Variants in DIP2A observed in about 807,000 individuals in gnomAD.
The protein encoded by DIP2A is disco-interacting protein 2 homolog A.
A neutral mutation model predicts 177.4 loss-of-function variants in DIP2A; 85 were observed. The observed-to-expected ratio is 0.48, with a 90% CI of 0.40 to 0.57. The LOEUF (loss-of-function observed/expected upper bound fraction) is 0.57. Ranked by LOEUF, DIP2A falls within the 20% of genes least tolerant of loss-of-function variation. DIP2A has a pLI of 0.00. For synonymous variants in DIP2A, 886 were observed against 881.8 expected, an observed-to-expected ratio of 1.00 and a Z score of -0.08; for missense variants, 1,791 against 2,100.2, an observed-to-expected ratio of 0.85 and a Z score of 2.88.
chr21:46,515,705 T>G (rs543967940), intron 8 of DIP2A, among the ~76,000 whole-genome samples: 1 of 151,996 alleles, frequency 6.6e-6, no homozygotes, highest in Non-Finnish European at 1.5e-5. Flanking sequence ...CTTGGCTACT[T>G]TTTTGTATTT....
chr21:46,486,135 C>T (rs1246317388), intron 2 of DIP2A, among the ~76,000 whole-genome samples: 2 of 149,940 alleles, frequency 1.3e-5, no homozygotes, highest in African/African-American at 4.9e-5. Flanking sequence ...CAGTGCTGTC[C>T]AGTAGAACTT....
intron 21 of DIP2A, among the ~76,000 whole-genome samples, chr21:46,547,682 T>TTA (rs1555909424): frequency 1.6e-5 from 2 of 127,882 alleles, no homozygotes; most frequent in Admixed American, 7.6e-5. Flanking sequence ...TTTTTTTTTT[T>TTA]AAAGATAGGG....
rs746667748 is a variant in DIP2A at position 46,554,661 on chromosome 21, G to A, written c.3241G>A (p.Gly1081Ser). 1.1e-5 allele frequency: 17 copies of A among 1,583,304 alleles called. No homozygotes were observed. The highest frequency in any genetic ancestry group is 2.3e-5 in the East Asian group (1 of 43,110). The change falls in exon 27 of 38, where the codon GGC becomes AGC. Residue 1081 changes from glycine (G) to serine (S), a missense_variant. Transcript: ENST00000417564. The stretch of plus-strand genomic sequence containing the variant: ...GCGGCCCCCGCACCCTCAGAACCTC[G>A]GCACCACACTGCCCACCGTCAAGAT... ...TVRPPHPQNL[G>S]TTLPTVKMIV... is the part of the protein sequence containing the mutation.
downstream of DIP2A, among the ~76,000 whole-genome samples, chr21:46,572,898 A>G (rs889985692): frequency 5.3e-5 from 8 of 152,178 alleles, no homozygotes; most frequent in African/African-American, 1.9e-4. Flanking sequence ...GTGCATTACA[A>G]TTGCCTACAG....
chr21:46,509,331 C>T lies in DIP2A; in HGVS notation c.859C>T (p.Pro287Ser). ...CACCCTGAAGAGGCCAAAGCGCCCT[C>T]CACTGAAGGAGTTCTTTGTGGATGA... is the stretch of plus-strand genomic sequence containing the variant. ...LNTLKRPKRP[P>S]LKEFFVDDFE... Residue 287 changes from proline (P) to serine (S), a missense_variant, in exon 7 of 38, where the codon CCA becomes TCA. Coordinates refer to ENST00000417564, the MANE Select transcript of DIP2A (RefSeq NM_015151.4). 1 of 1,613,674 alleles carries T rather than the reference C, an allele frequency of 6.2e-7. No individual in the cohort carries two copies. The highest frequency in any genetic ancestry group is 8.5e-7 in the Non-Finnish European group (1 of 1,179,756).
chr21:46,540,023 A>C, intron 17 of DIP2A, 32 bp downstream of exon 17: 1 of 1,555,820 alleles, frequency 6.4e-7, no homozygotes, highest in Non-Finnish European at 8.9e-7. Flanking sequence ...TCTCATGAGC[A>C]CTTAGTTGAA....
Position 46,550,649 on chromosome 21 carries a change from A to T in DIP2A, c.2744A>T (p.Gln915Leu). The T allele has an allele frequency of 6.2e-7, 1 of 1,613,948 alleles. No homozygotes were observed. Among genetic ancestry groups the T allele is most frequent in the South Asian group, 1.1e-5 (1 of 91,056 alleles). ...LGGIHISETK[Q>L]RFLEGTLHPC... ...GGGATTCACATTTCTGAAACCAAAC[A>T]GCGCTTTCTGGAAGGGACGCTGCAC... The change falls in exon 23 of 38, where the codon CAG (glutamine) becomes CTG (leucine). Residue 915 changes from glutamine (Q) to leucine (L), a missense_variant. Physicochemically the swap from Gln to Leu is moderately radical, Grantham distance 113. Transcript: ENST00000417564.
At chr21:46,580,278 T>C in the DIP2A span, among the ~76,000 whole-genome samples, 1 of 152,212 alleles carries the variant, frequency 6.6e-6, no homozygotes, top group Non-Finnish European at 1.5e-5. Flanking sequence ...CCTTGTTTTT[T>C]TCTGTTTTCC....
rs1162175212 is a variant in DIP2A at position 46,511,581 on chromosome 21, A to T, written c.1069A>T (p.Thr357Ser). Residue 357 changes from threonine to serine, a missense_variant, in exon 8 of 38, where the codon ACA becomes TCA. Physicochemically the swap from Thr to Ser is moderately conservative, Grantham distance 58. Transcript: ENST00000417564. Reference sequence around the variant, plus strand: ...ATCCCCCTGTCTGACTGCCTTGGATACAACTGGGAAAGCCGTCTACACTCT... The same window carrying T: ...ATCCCCCTGTCTGACTGCCTTGGATTCAACTGGGAAAGCCGTCTACACTCT... ...PKSPCLTALD[T>S]TGKAVYTLTY... 4 of 1,568,702 alleles carry T rather than the reference A, an allele frequency of 2.5e-6. No individual in the cohort carries two copies. Among genetic ancestry groups the T allele is most frequent in the Non-Finnish European group, 2.6e-6 (3 of 1,160,206 alleles).
At chr21:46,561,174 G>A (rs2060650369) in intron 33 of DIP2A, 1 of 409,506 alleles carries the variant, frequency 2.4e-6, no homozygotes, top group Non-Finnish European at 3.7e-6. Context: ...CTACTGGCAA[G>A]AACGTTTCTT....
In DIP2A at chr21:46,567,818, T is replaced by A. The variant is rs1006834282; in HGVS notation, c.*196T>A. The A allele has an allele frequency of 1.7e-6, 1 of 605,426 alleles. No homozygotes were observed. Among genetic ancestry groups the A allele is most frequent in the African/African-American group, 1.9e-5 (1 of 53,042 alleles). 37.5% of individuals were successfully genotyped at this position (605,426 alleles called of 1,614,324 possible). ...AAAGAAATATTTTGAATCTGCCAAG[T>A]ACATTTACAAAAACACGGATGCTGG... On this transcript the variant is annotated 3_prime_UTR_variant, in exon 38 of 38. Coordinates refer to ENST00000417564, the MANE Select transcript of DIP2A (RefSeq NM_015151.4).
chr21:46,561,756 T>G lies in DIP2A; in HGVS notation c.4040T>G (p.Leu1347Trp). ...MRALRHDRVR[L>W]VERGSPHSLP... ...GTTCCCTTAATTTTTAGGGTTCGTT[T>G]GGTAGAACGGGGTTCTCCGCACAGC... The change falls in exon 34 of 38, where the codon TTG (leucine) becomes TGG (tryptophan). Residue 1347 changes from leucine to tryptophan, a missense_variant. Coordinates refer to ENST00000417564, the MANE Select transcript of DIP2A (RefSeq NM_015151.4). The G allele has an allele frequency of 6.2e-7, 1 of 1,614,032 alleles. No homozygotes were observed. The highest frequency in any genetic ancestry group is 8.5e-7 in the Non-Finnish European group (1 of 1,179,890).
chr21:46,502,572 C>A (rs910654175), intron 5 of DIP2A, among the ~76,000 whole-genome samples: 2 of 151,002 alleles, frequency 1.3e-5, no homozygotes, highest in Admixed American at 1.3e-4. Flanking sequence ...CTCAGCCTCC[C>A]GAGTAGCTGG....
chr21:46,542,013 A>C, intron 18 of DIP2A, 118 bp downstream of exon 18: 1 of 1,273,418 alleles, frequency 7.9e-7, no homozygotes, highest in Non-Finnish European at 1.1e-6. Flanking sequence ...CAGTGGTGTG[A>C]TCTTGGCTCA....
intron 16 of DIP2A, 176 bp downstream of exon 16, chr21:46,538,778 G>C: frequency 1.0e-6 from 1 of 961,908 alleles, no homozygotes; most frequent in South Asian, 1.8e-5. Context: ...TTTATCCCAT[G>C]CATGTTTATT....
chr21:46,531,093 C>A (rs1569048360), intron 9 of DIP2A, among the ~76,000 whole-genome samples: 1 of 152,002 alleles, frequency 6.6e-6, no homozygotes, highest in Non-Finnish European at 1.5e-5. Flanking sequence ...AGGGTGCAAG[C>A]AGGAGGACCA....
chr21:46,560,867 G>A lies in DIP2A; in HGVS notation c.4031+84G>A, dbSNP rs550985047. On this transcript the variant is annotated intron_variant, in intron 33 of 37. Coordinates refer to ENST00000417564, the MANE Select transcript of DIP2A (RefSeq NM_015151.4). ...AGGTCTGCACTGACTATGCACCCCC[G>A]GGACCCAGGCATTAGAGGACGGCGG... is the stretch of plus-strand genomic sequence containing the variant. The A allele has an allele frequency of 5.0e-5, 76 of 1,530,424 alleles. No homozygotes were observed. In the South Asian group the frequency reaches 6.6e-4, roughly 13 times the overall value. The allele number at this position is 1,530,424 out of a possible 1,614,324, so 94.8% of individuals were successfully genotyped here.
chr21:46,554,228 C>G lies in DIP2A; in HGVS notation c.3090C>G (p.Ala1030=). The G allele has an allele frequency of 1.6e-5, 26 of 1,613,910 alleles. No homozygotes were observed. Among genetic ancestry groups the G allele is most frequent in the Non-Finnish European group, 2.2e-5 (26 of 1,179,862 alleles). ...VQLHKRAERV[A]AALMEKGRLS... The stretch of plus-strand genomic sequence containing the variant: ...TGCACAAAAGGGCTGAGAGAGTGGC[C>G]GCGGCTCTGATGGAGAAGGGAAGAC... The change falls in exon 26 of 38, where the codon GCC becomes GCG. Residue 1030 remains alanine, a synonymous_variant. Coordinates refer to ENST00000417564, the MANE Select transcript of DIP2A (RefSeq NM_015151.4).
rs114047891 is a variant in DIP2A, at chr21:46,542,794, C to G, written c.2176+899C>G. ...CCCCATCTGTCAGTGCAGTCTCCCC[C>G]CTTCCAATGCGGCCCTGACTGTGTT... On this transcript the variant is annotated intron_variant, in intron 18 of 37. Coordinates refer to ENST00000417564, the MANE Select transcript of DIP2A (RefSeq NM_015151.4). Among the ~76,000 whole-genome samples, 642 of 152,376 alleles carry G rather than the reference C, an allele frequency of 4.2e-3. 4 individuals carry two copies. Among genetic ancestry groups the G allele is most frequent in the African/African-American group, 0.015 (616 of 41,590 alleles).
Sources: gnomAD v4.1 joint callset for allele counts (sites outside exome capture counted in the v4.1 genomes callset) on GRCh38, gnomAD v4.1.1 for gene constraint, MANE v1.5 for transcripts, NCBI Gene and HGNC (gene_info 2026-07-23, HGNC 2026-07-21) for gene names.